RNF34: variants seen among roughly 807,000 people sequenced by gnomAD.
RNF34 encodes E3 ubiquitin-protein ligase RNF34.
A neutral mutation model predicts 37.9 loss-of-function variants in RNF34; 12 were observed. The observed-to-expected ratio is 0.32, with a 90% CI of 0.20 to 0.51. RNF34 has a LOEUF of 0.51. Among genes scored for constraint, RNF34 ranks in the 20% least tolerant of loss-of-function variants. The pLI is 0.97. For missense variants in RNF34, 362 were observed against 472.7 expected, an observed-to-expected ratio of 0.77 and a Z score of 2.17; for synonymous variants, 155 against 177.2, an observed-to-expected ratio of 0.87 and a Z score of 1.00.
At position 121,420,789 on chromosome 12, in the gene RNF34, C is replaced by T; in HGVS notation, c.928+11C>T. ...AAAACCAAAAGTCCTGTAGGTTTATCTTTTCATTTTTTCCCTGTAGTATTT... is the reference window on the plus strand; with the variant it reads ...AAAACCAAAAGTCCTGTAGGTTTATTTTTTCATTTTTTCCCTGTAGTATTT... On this transcript the variant is annotated intron_variant, in intron 5 of 5. Transcript: ENST00000361234. 1 of 1,597,998 alleles carries T rather than the reference C, an allele frequency of 6.3e-7. No homozygotes were observed. Among genetic ancestry groups the T allele is most frequent in the South Asian group, 1.1e-5 (1 of 90,474 alleles).
At chr12:121,413,338 C>G (rs530170124) in intron 1 of RNF34, among the ~76,000 whole-genome samples, 2 of 151,730 alleles carry the variant, frequency 1.3e-5, no homozygotes, top group Admixed American at 6.6e-5. Context: ...GATTTTCATG[C>G]TTTTAAGCAC....
chr12:121,408,777 C>T (rs1870779531), intron 1 of RNF34, among the ~76,000 whole-genome samples: 1 of 152,174 alleles, frequency 6.6e-6, no homozygotes. Flanking sequence ...AAATCACTGA[C>T]TTTCTCCTCA....
At chr12:121,401,521 ATAT>A (rs1427007956) in intron 1 of RNF34, among the ~76,000 whole-genome samples, 2 of 152,328 alleles carry the variant, frequency 1.3e-5, no homozygotes, top group East Asian at 3.9e-4. Context: ...TAGTTATAAA[ATAT>A]TATTACAGCT....
Position 121,400,186 on chromosome 12 carries a change from G to A in RNF34, c.-27G>A. ...CTATGGTGCTGAGTTTCCTGGTAGA[G>A]CCGGCCGAGCTGAGGCGGTCGCGGC... is the stretch of plus-strand genomic sequence containing the variant. On this transcript the variant is annotated 5_prime_UTR_variant, in exon 1 of 6. Transcript: ENST00000361234. 2 of 1,607,318 alleles carry A rather than the reference G, an allele frequency of 1.2e-6. No homozygotes were observed. Among genetic ancestry groups the A allele is most frequent in the Non-Finnish European group, 8.5e-7 (1 of 1,178,510 alleles).
At chr12:121,405,094 C>T (rs528419692) in intron 1 of RNF34, 2 of 152,250 alleles carry the variant, frequency 1.3e-5, no homozygotes, top group Non-Finnish European at 2.9e-5. Flanking sequence ...GTCATTCCTA[C>T]TCTTACGCAG....
chr12:121,408,613 T>C (rs1870769500), intron 1 of RNF34, among the ~76,000 whole-genome samples: 1 of 152,076 alleles, frequency 6.6e-6, no homozygotes, highest in Non-Finnish European at 1.5e-5. Flanking sequence ...TTTCTGAAAT[T>C]TATGAGAAAG....
chr12:121,415,032 G>A (rs962963311), intron 1 of RNF34, among the ~76,000 whole-genome samples: 3 of 152,138 alleles, frequency 2.0e-5, no homozygotes, highest in Non-Finnish European at 4.4e-5. Context: ...GGAGGCGGAC[G>A]TTGCAGTGAG....
chr12:121,415,296 G>T, intron 1 of RNF34: 1 of 383,828 alleles, frequency 2.6e-6, no homozygotes. Context: ...AATTACAAAT[G>T]CGAAAACAGA....
rs1166514204 is a variant in RNF34, at chr12:121,423,149, T to C, written c.929-237T>C. 6.6e-6 allele frequency among the ~76,000 whole-genome samples: 1 copy of C among 152,262 alleles called. No homozygotes were observed. Among genetic ancestry groups the C allele is most frequent in the Non-Finnish European group, 1.5e-5 (1 of 68,048 alleles). ...ATAGAAATACATAGCTAACATTTGT[T>C]GGGTACGTCAAGCATTTTATTCTTT... On this transcript the variant is annotated intron_variant, in intron 5 of 5. Transcript: ENST00000361234. The surrounding 1 kb of genome is among the most constrained non-coding windows in gnomAD (Gnocchi z 4.3).
chr12:121,423,746 T>C lies in RNF34; in HGVS notation c.*170T>C, dbSNP rs1872364482. ...CCTGAGTTGTGGAAACATTGGTCCATGCCGTGAGCCTGTCTGCCTGTGGAC... is the reference window on the plus strand; with the variant it reads ...CCTGAGTTGTGGAAACATTGGTCCACGCCGTGAGCCTGTCTGCCTGTGGAC... On this transcript the variant is annotated 3_prime_UTR_variant, in exon 6 of 6. Transcript: ENST00000361234. The surrounding 1 kb of genome is among the most constrained non-coding windows in gnomAD (Gnocchi z 4.3). 1 of 635,726 alleles carries C rather than the reference T, an allele frequency of 1.6e-6. No homozygotes were observed. The highest frequency in any genetic ancestry group is 1.9e-5 in the African/African-American group (1 of 53,990). The allele number at this position is 635,726 out of a possible 1,614,324, so 39.4% of individuals were successfully genotyped here.
intron 2 of RNF34, among the ~76,000 whole-genome samples, chr12:121,416,956 C>T (rs1025065420): frequency 1.3e-5 from 2 of 152,294 alleles, no homozygotes; most frequent in African/African-American, 4.8e-5. Flanking sequence ...CGAGCAGAAA[C>T]GACCACATCT....
chr12:121,421,371 T>TACAAAAAAAAAAAAAAAAAAAAAA (rs35925457), intron 5 of RNF34, among the ~76,000 whole-genome samples: 1 of 46,378 alleles, frequency 2.2e-5, no homozygotes. Flanking sequence ...ATCCCATCTC[T>TACAAAAAAAAAAAAAAAAAAAAAA]AAAAAAAAAA....
At chr12:121,419,564 G>A (rs1871913227) in intron 3 of RNF34, among the ~76,000 whole-genome samples, 1 of 118,326 alleles carries the variant, frequency 8.5e-6, no homozygotes, top group Non-Finnish European at 1.8e-5. Flanking sequence ...CTACAGTATG[G>A]TGCCTGGCAA....
intron 1 of RNF34, among the ~76,000 whole-genome samples, chr12:121,410,502 A>G (rs1274039384): frequency 6.6e-6 from 1 of 151,608 alleles, no homozygotes; most frequent in Non-Finnish European, 1.5e-5. Flanking sequence ...GCGCCACTGC[A>G]TTCCATCCTG....
intron 1 of RNF34, among the ~76,000 whole-genome samples, chr12:121,408,002 T>C (rs1203817400): frequency 6.6e-6 from 1 of 152,116 alleles, no homozygotes; most frequent in Non-Finnish European, 1.5e-5. Context: ...ATAGGTTCTG[T>C]CAAGTCATAA....
chr12:121,416,817 A>G (rs574370245), intron 2 of RNF34, among the ~76,000 whole-genome samples: 25 of 152,212 alleles, frequency 1.6e-4, no homozygotes, highest in Non-Finnish European at 3.4e-4. Flanking sequence ...GCTAACAGTT[A>G]TTTTCACTAA....
At position 121,423,277 on chromosome 12, in the gene RNF34, G is replaced by A. The variant is rs1327494525; in HGVS notation, c.929-109G>A. 1.1e-5 allele frequency: 8 copies of A among 739,682 alleles called. No homozygotes were observed. The highest frequency in any genetic ancestry group is 1.8e-5 in the Non-Finnish European group (8 of 455,656). The allele number at this position is 739,682 out of a possible 1,614,324, so 45.8% of individuals were successfully genotyped here. ...TCTTGTACAACACTGGGGTGGCATTGGGCCTGCAGGGGTCATTCAGCAGGT... is the reference window on the plus strand; with the variant it reads ...TCTTGTACAACACTGGGGTGGCATTAGGCCTGCAGGGGTCATTCAGCAGGT... On this transcript the variant is annotated intron_variant, in intron 5 of 5. Transcript: ENST00000361234. This position sits in a 1 kb window ranked among gnomAD's most constrained non-coding sequence, Gnocchi z 4.3.
intron 1 of RNF34, among the ~76,000 whole-genome samples, chr12:121,407,028 C>T (rs1870608949): frequency 6.6e-6 from 1 of 152,152 alleles, no homozygotes; most frequent in Admixed American, 6.6e-5. Context: ...GTAGTGAACA[C>T]AGTACCCAAC....
intron 3 of RNF34, chr12:121,420,017 T>C: frequency 4.4e-6 from 2 of 453,224 alleles, no homozygotes; most frequent in Non-Finnish European, 8.2e-6. Flanking sequence ...TTTATAACTT[T>C]ACACACACAC....
Sources: gnomAD v4.1 joint callset for allele counts (sites outside exome capture counted in the v4.1 genomes callset) on GRCh38, gnomAD v4.1.1 for gene constraint, Gnocchi (gnomAD v3.1) non-coding constraint, MANE v1.5 for transcripts, NCBI Gene and HGNC (gene_info 2026-07-23, HGNC 2026-07-21) for gene names.